The following PHEX variants were observed in gnomAD, a reference collection of about 807,000 sequenced individuals.
PHEX encodes phosphate-regulating neutral endopeptidase PHEX.
In PHEX, 16 loss-of-function variants were observed where a neutral mutation model predicts 68.0. That is an observed-to-expected ratio of 0.24 (90% CI 0.16 to 0.36). The LOEUF (loss-of-function observed/expected upper bound fraction) is 0.36. PHEX is among the 10% of genes least tolerant of loss of function. The pLI, the probability that PHEX is intolerant of heterozygous loss-of-function variation, is 1.00. For synonymous variants in PHEX, 208 were observed against 205.1 expected, an observed-to-expected ratio of 1.01 and a Z score of -0.12; for missense variants, 480 against 575.5, an observed-to-expected ratio of 0.83 and a Z score of 1.70.
At chrX:22,178,241 A>G (rs760084782) in intron 13 of PHEX, 32 bp from the exon 14 acceptor site, 108 of 962,295 alleles carry the variant, frequency 1.1e-4, no homozygotes, top group Middle Eastern at 2.6e-4. Flanking sequence ...ATCTTTACTT[A>G]GAACAATGAT....
intron 9 of PHEX, among the ~76,000 whole-genome samples, chrX:22,109,596 T>C (rs759115600): frequency 9.0e-5 from 10 of 111,493 alleles, no homozygotes; most frequent in Non-Finnish European, 1.5e-4. Context: ...GCTTTTAGCA[T>C]CATCATGTCA....
At chrX:22,096,204 T>C (rs1014542024) in intron 7 of PHEX, among the ~76,000 whole-genome samples, 1 of 112,373 alleles carries the variant, frequency 8.9e-6, no homozygotes, top group Non-Finnish European at 1.9e-5. Context: ...GGTGGATATG[T>C]GAGCTACTGC....
chrX:22,078,439 GTTAC>G (rs1929255485), intron 5 of PHEX, among the ~76,000 whole-genome samples: 2 of 112,052 alleles, frequency 1.8e-5, no homozygotes, highest in African/African-American at 6.5e-5. Context: ...TGCTTCCACA[GTTAC>G]TTTGACTAAT....
chrX:22,147,909 T>TG (rs1203905322), intron 12 of PHEX, among the ~76,000 whole-genome samples: 1 of 4,742 alleles, frequency 2.1e-4, no homozygotes, highest in African/African-American at 9.6e-4. Flanking sequence ...TTTTGTGCTA[T>TG]GTTTTTTTTT....
chrX:22,173,517 G>GT (rs1399669634), intron 13 of PHEX, among the ~76,000 whole-genome samples: 2 of 110,360 alleles, frequency 1.8e-5, no homozygotes, highest in African/African-American at 3.3e-5. Context: ...TGGTGCAAAA[G>GT]TAATTGTGGT....
At chrX:22,206,950 G>A (rs1483259401) in intron 15 of PHEX, among the ~76,000 whole-genome samples, 1 of 111,920 alleles carries the variant, frequency 8.9e-6, no homozygotes, top group Non-Finnish European at 1.9e-5. Context: ...TGTAGCTACC[G>A]TCAGGGTATG....
chrX:22,235,525 T>C (rs920828930), intron 20 of PHEX, among the ~76,000 whole-genome samples: 3 of 111,141 alleles, frequency 2.7e-5, no homozygotes, highest in Non-Finnish European at 5.7e-5. Context: ...CCAATTTCTC[T>C]CTGTGTCCTC....
chrX:22,150,667 AG>A (rs1362209879), intron 12 of PHEX, among the ~76,000 whole-genome samples: 5 of 112,334 alleles, frequency 4.5e-5, no homozygotes, highest in African/African-American at 1.3e-4. Flanking sequence ...AACTTGGTCT[AG>A]AGCTTTCCCT....
chrX:22,174,619 G>A (rs1933641586), intron 13 of PHEX, among the ~76,000 whole-genome samples: 1 of 111,651 alleles, frequency 9.0e-6, no homozygotes, highest in Non-Finnish European at 1.9e-5. Flanking sequence ...ATATTCTGAA[G>A]GTTTTGGCAG....
chrX:22,195,867 C>T (rs1166226283), intron 15 of PHEX, among the ~76,000 whole-genome samples: 2 of 111,393 alleles, frequency 1.8e-5, no homozygotes, highest in Non-Finnish European at 3.8e-5. Context: ...TAAAAACTCA[C>T]CGTGTTCTAT....
chrX:22,125,535 T>G (rs145783330), intron 11 of PHEX, among the ~76,000 whole-genome samples: 16 of 111,259 alleles, frequency 1.4e-4, no homozygotes, highest in African/African-American at 4.6e-4. Flanking sequence ...CTACTAGATA[T>G]GTACTATATT....
intron 20 of PHEX, among the ~76,000 whole-genome samples, chrX:22,232,081 G>C (rs1044929771): frequency 8.9e-6 from 1 of 112,026 alleles, no homozygotes; most frequent in Non-Finnish European, 1.9e-5. Flanking sequence ...GTGTGGTTTT[G>C]AGTGAGTTTC....
At chrX:22,131,247 G>T (rs763058042) in intron 11 of PHEX, among the ~76,000 whole-genome samples, 22 of 110,477 alleles carry the variant, frequency 2.0e-4, no homozygotes, top group Admixed American at 1.9e-3. Context: ...CACCATGTTG[G>T]CCAGGCTGGT....
chrX:22,184,290 G>T (rs1602368245), intron 14 of PHEX, among the ~76,000 whole-genome samples: 1 of 108,583 alleles, frequency 9.2e-6, no homozygotes, highest in African/African-American at 3.4e-5. Context: ...TTCAGGCATT[G>T]TAGAGACTTT....
At chrX:22,055,197 A>C (rs12395995) in intron 3 of PHEX, among the ~76,000 whole-genome samples, 54,044 of 94,001 alleles carry the variant, frequency 0.57, 12,499 homozygotes, top group African/African-American at 0.66. Flanking sequence ...AAAAAAAAAA[A>C]AAAAAAAAAA....
At chrX:22,097,922 C>G in intron 8 of PHEX, 1 of 177,293 alleles carries the variant, frequency 5.6e-6, no homozygotes, top group South Asian at 7.8e-5. Context: ...TGCCGGCCAC[C>G]ACACCTAGCT....
intron 13 of PHEX, among the ~76,000 whole-genome samples, chrX:22,175,713 A>ATT (rs764192873): frequency 3.8e-5 from 4 of 106,658 alleles, no homozygotes; most frequent in Non-Finnish European, 7.8e-5. Flanking sequence ...ATATCAAGGG[A>ATT]TTTTTTTTTT....
chrX:22,160,219 A>G (rs1201046221), intron 12 of PHEX, among the ~76,000 whole-genome samples: 1 of 111,840 alleles, frequency 8.9e-6, no homozygotes, highest in East Asian at 2.8e-4. Context: ...AAGGAAGAGC[A>G]AAGTCATATC....
intron 15 of PHEX, among the ~76,000 whole-genome samples, chrX:22,210,904 T>G (rs1934898856): frequency 9.0e-6 from 1 of 110,668 alleles, no homozygotes; most frequent in Non-Finnish European, 1.9e-5. Context: ...CTTGCTTTCC[T>G]GTCCTCATTT....
Sources: gnomAD v4.1 joint callset for allele counts (sites outside exome capture counted in the v4.1 genomes callset) on GRCh38, gnomAD v4.1.1 for gene constraint, MANE v1.5 for transcripts, NCBI Gene and HGNC (gene_info 2026-07-23, HGNC 2026-07-21) for gene names.